The following MUC17 variants were observed in gnomAD, a reference collection of about 807,000 sequenced individuals.
The protein encoded by MUC17 is mucin 17, cell surface associated.
MUC17 carries 190 observed loss-of-function variants against 170.3 expected under a neutral mutation model. The ratio of observed to expected loss-of-function variants is 1.12; its 90% confidence interval spans 0.99 to 1.26. The LOEUF (loss-of-function observed/expected upper bound fraction) is 1.26, where lower values mean the gene tolerates loss of function less well. MUC17 is among the 50% of genes most tolerant of loss of function. The pLI, the probability that MUC17 is intolerant of heterozygous loss-of-function variation, is 0.00. For missense variants in MUC17, 6,415 were observed against 5,530.0 expected, an observed-to-expected ratio of 1.16 and a Z score of -5.08; for synonymous variants, 2,325 against 2,002.5, an observed-to-expected ratio of 1.16 and a Z score of -4.30.
chr7:101,020,267 C>G, intron 1 of MUC17, 50 bp downstream of exon 1: 1 of 1,512,006 alleles, frequency 6.6e-7, no homozygotes, highest in Non-Finnish European at 9.0e-7. Context: ...TCCCAGGGGC[C>G]AGCCTGCTCT....
At chr7:101,049,186 G>T in intron 5 of MUC17, 138 bp from the exon 6 acceptor site, 1 of 1,438,988 alleles carries the variant, frequency 6.9e-7, no homozygotes, top group Non-Finnish European at 9.7e-7. Flanking sequence ...GCAGGTCTCT[G>T]GAAAGAAACC....
In MUC17 at chr7:101,053,035, G is replaced by C; in HGVS notation, c.13153G>C (p.Gly4385Arg). 6.2e-7 allele frequency: 1 copy of C among 1,614,096 alleles called. No homozygotes were observed. The highest frequency in any genetic ancestry group is 8.5e-7 in the Non-Finnish European group (1 of 1,180,014). ...GTACAGTGGGGAGACCTGTAACCAG[G>C]GCACCCAGAAGAGTCTGGTGTACGG... ...HWYSGETCNQGTQKSLVYGLV... is the reference protein window; with the variant it reads ...HWYSGETCNQRTQKSLVYGLV... The change falls in exon 10 of 13, where the codon GGC (glycine) becomes CGC (arginine). Residue 4385 changes from glycine to arginine, a missense_variant. By Grantham distance (125) the Gly-to-Arg change is moderately radical. Transcript: ENST00000306151.
At position 101,033,286 on chromosome 7, in the gene MUC17, T is replaced by A. The variant is rs995996330; in HGVS notation, c.1870T>A (p.Tyr624Asn). ...AEGTSMPTST[Y>N]SERGTTITSM... The stretch of plus-strand genomic sequence containing the variant: ...AGGTACCAGCATGCCAACCTCAACT[T>A]ACAGTGAAAGAGGCACTACAATAAC... The change falls in exon 3 of 13, where the codon TAC becomes AAC. Residue 624 changes from tyrosine to asparagine, a missense_variant. Tyr to Asn is a moderately radical substitution (Grantham distance 143). Coordinates refer to ENST00000306151, the MANE Select transcript of MUC17 (RefSeq NM_001040105.2). 8 of 1,609,730 alleles carry A rather than the reference T, an allele frequency of 5.0e-6. No individual in the cohort carries two copies. Among genetic ancestry groups the A allele is most frequent in the African/African-American group, 1.4e-5 (1 of 73,470 alleles).
At chr7:101,031,093 A>G (rs745441771) in intron 1 of MUC17, 27 bp from the exon 2 acceptor site, 1 of 1,593,996 alleles carries the variant, frequency 6.3e-7, no homozygotes, top group Non-Finnish European at 8.6e-7. Flanking sequence ...TGGCTCTGGG[A>G]TACTAACTCC....
At chr7:101,053,829 G>A (rs372673695) in intron 11 of MUC17, among the ~76,000 whole-genome samples, 37 of 149,894 alleles carry the variant, frequency 2.5e-4, no homozygotes, top group African/African-American at 7.9e-4. Context: ...GCAGTTAGCC[G>A]AGATTGTGCC....
intron 1 of MUC17, among the ~76,000 whole-genome samples, chr7:101,025,735 A>G (rs892887319): frequency 2.0e-5 from 3 of 151,480 alleles, no homozygotes; most frequent in African/African-American, 7.3e-5. Flanking sequence ...TGGAGGTTGC[A>G]GCGAGCCAGG....
chr7:101,041,119 G>T lies in MUC17; in HGVS notation c.9703G>T (p.Ala3235Ser). 1 of 1,613,674 alleles carries T rather than the reference G, an allele frequency of 6.2e-7. No individual in the cohort carries two copies. Among genetic ancestry groups the T allele is most frequent in the South Asian group, 1.1e-5 (1 of 91,038 alleles). ...TSVPVSNTPVASSEASILSTT... is the reference protein window; with the variant it reads ...TSVPVSNTPVSSSEASILSTT... Reference sequence around the variant, plus strand: ...TGTACCTGTCAGCAACACGCCGGTGGCCAGTTCTGAGGCTAGCATCCTTTC... The same window carrying T: ...TGTACCTGTCAGCAACACGCCGGTGTCCAGTTCTGAGGCTAGCATCCTTTC... The change falls in exon 3 of 13, where the codon GCC becomes TCC. Residue 3235 changes from alanine to serine, a missense_variant. Transcript: ENST00000306151.
rs887473740 is a variant in MUC17, at chr7:101,048,775, C to T, written c.12536-70C>T. Reference sequence around the variant, plus strand: ...ATACAATGGAGCTCACTCCCTCCACCCAGGCTGGGGGCAGATCTTCTGAGT... The same window carrying T: ...ATACAATGGAGCTCACTCCCTCCACTCAGGCTGGGGGCAGATCTTCTGAGT... On this transcript the variant is annotated intron_variant, in intron 4 of 12. Coordinates refer to ENST00000306151, the MANE Select transcript of MUC17 (RefSeq NM_001040105.2). The T allele has an allele frequency of 5.1e-6, 8 of 1,582,594 alleles. No homozygotes were observed. The South Asian group carries it at 7.9e-5, about 16-fold the overall frequency.
In MUC17 at chr7:101,031,717, G is replaced by C. The variant is rs1794282556; in HGVS notation, c.301G>C (p.Asp101His). 4 of 1,612,626 alleles carry C rather than the reference G, an allele frequency of 2.5e-6. No individual in the cohort carries two copies. In the South Asian group the frequency reaches 4.4e-5, roughly 18 times the overall value. ...MTSIESSVTS[D>H]TPGVSSTRMT... is the part of the protein sequence containing the mutation. ...CTCGATTGAGTCCAGTGTGACTTCAGACACTCCTGGTGTCTCCAGTACCAG... is the reference window on the plus strand; with the variant it reads ...CTCGATTGAGTCCAGTGTGACTTCACACACTCCTGGTGTCTCCAGTACCAG... The change falls in exon 3 of 13, where the codon GAC becomes CAC. Residue 101 changes from aspartate (D) to histidine (H), a missense_variant. Physicochemically the swap from Asp to His is moderately conservative, Grantham distance 81. Transcript: ENST00000306151.
At position 101,040,409 on chromosome 7, in the gene MUC17, C is replaced by A. The variant is rs142796970; in HGVS notation, c.8993C>A (p.Pro2998Gln). Reference protein sequence around the residue: ...PLTSMSVSTMPVASSEASTLS... With the variant: ...PLTSMSVSTMQVASSEASTLS... ...ACAAGTATGTCTGTCAGCACCATGC[C>A]GGTGGCCAGTTCTGAGGCTAGCACC... The change falls in exon 3 of 13, where the codon CCG becomes CAG. Residue 2998 changes from proline (P) to glutamine (Q), a missense_variant. Pro to Gln is a moderately conservative substitution (Grantham distance 76, BLOSUM62 -1). Coordinates refer to ENST00000306151, the MANE Select transcript of MUC17 (RefSeq NM_001040105.2). The A allele has an allele frequency of 8.1e-6, 13 of 1,611,090 alleles. No individual in the cohort carries two copies. The highest frequency in any genetic ancestry group is 5.1e-5 in the Admixed American group (3 of 59,396).
At chr7:101,049,104 G>A (rs763517458) in intron 5 of MUC17, 132 bp downstream of exon 5, 132 of 1,459,700 alleles carry the variant, frequency 9.0e-5, no homozygotes, top group Non-Finnish European at 1.2e-4. Flanking sequence ...ACGTCCTCAG[G>A]GCTTGCCAGT....
chr7:101,021,419 C>G (rs1794079896), intron 1 of MUC17, among the ~76,000 whole-genome samples: 2 of 152,092 alleles, frequency 1.3e-5, no homozygotes, highest in Admixed American at 6.6e-5. Context: ...AACTCCTGAT[C>G]TCAGGTAGTC....
chr7:101,033,864 A>C lies in MUC17; in HGVS notation c.2448A>C (p.Thr816=), dbSNP rs1332641772. The C allele has an allele frequency of 1.9e-6, 3 of 1,611,604 alleles. No individual in the cohort carries two copies. The highest frequency in any genetic ancestry group is 8.5e-7 in the Non-Finnish European group (1 of 1,179,470). ...PLLTSIPVSI[T]PVTSPEASTL... ...TAACAAGTATACCTGTCAGCATCAC[A>C]CCGGTGACCAGTCCTGAGGCTAGCA... The change falls in exon 3 of 13, where the codon ACA becomes ACC. Residue 816 remains threonine (T), a synonymous_variant. Coordinates refer to ENST00000306151, the MANE Select transcript of MUC17 (RefSeq NM_001040105.2).
intron 9 of MUC17, 30 bp from the exon 10 acceptor site, chr7:101,052,956 C>A (rs1338559963): frequency 6.2e-7 from 1 of 1,600,866 alleles, no homozygotes; most frequent in Admixed American, 1.7e-5. Flanking sequence ...CGTTCTCTCT[C>A]CCCAACCTGC....
chr7:101,048,783 G>T, intron 4 of MUC17, 62 bp from the exon 5 acceptor site: 1 of 1,594,598 alleles, frequency 6.3e-7, no homozygotes, highest in Admixed American at 1.7e-5. Flanking sequence ...ACCCAGGCTG[G>T]GGGCAGATCT....
intron 1 of MUC17, among the ~76,000 whole-genome samples, chr7:101,025,587 T>C (rs1038324604): frequency 6.6e-6 from 1 of 151,530 alleles, no homozygotes; most frequent in African/African-American, 2.4e-5. Context: ...AGGTCAGGAG[T>C]TCGAGACCAG....
chr7:101,031,307 G>A, intron 2 of MUC17, 86 bp downstream of exon 2: 1 of 1,524,438 alleles, frequency 6.6e-7, no homozygotes. Flanking sequence ...TGGTGAAGCT[G>A]CCATATTTTA....
At position 101,042,974 on chromosome 7, in the gene MUC17, G is replaced by A. The variant is rs374394921; in HGVS notation, c.11558G>A (p.Gly3853Asp). 4.3e-6 allele frequency: 7 copies of A among 1,614,074 alleles called. No homozygotes were observed. The highest frequency in any genetic ancestry group is 1.7e-5 in the Admixed American group (1 of 60,022). ...CCTTTGCTCACCTCTACCAAAGCCG[G>A]TTCATTCTCCATACCTGCTGAAGTC... is the stretch of plus-strand genomic sequence containing the variant. Reference protein sequence around the residue: ...STPLLTSTKAGSFSIPAEVTT... With the variant: ...STPLLTSTKADSFSIPAEVTT... Residue 3853 changes from glycine (G) to aspartate (D), a missense_variant, in exon 3 of 13, where the codon GGT becomes GAT. By Grantham distance (94) the Gly-to-Asp change is moderately conservative. Coordinates refer to ENST00000306151, the MANE Select transcript of MUC17 (RefSeq NM_001040105.2).
rs1227973702 is a variant in MUC17, at chr7:101,051,882, C to A, written c.13023C>A (p.Ser4341Arg). Residue 4341 changes from serine to arginine, a missense_variant, in exon 9 of 13, where the codon AGC becomes AGA. Transcript: ENST00000306151. Reference sequence around the variant, plus strand: ...GGGACCAGAAGCCATACTGCATCAGCCCCTGTGAGCCTGGCTTCAGTGTCT... The same window carrying A: ...GGGACCAGAAGCCATACTGCATCAGACCCTGTGAGCCTGGCTTCAGTGTCT... ...EYRDQKPYCI[S>R]PCEPGFSVSK... 1 of 1,614,184 alleles carries A rather than the reference C, an allele frequency of 6.2e-7. No individual in the cohort carries two copies. Among genetic ancestry groups the A allele is most frequent in the Non-Finnish European group, 8.5e-7 (1 of 1,180,004 alleles).
Sources: gnomAD v4.1 joint callset for allele counts (sites outside exome capture counted in the v4.1 genomes callset) on GRCh38, gnomAD v4.1.1 for gene constraint, MANE v1.5 for transcripts, NCBI Gene and HGNC (gene_info 2026-07-23, HGNC 2026-07-21) for gene names.